The following CAMK1D variants were observed in gnomAD, a reference collection of about 807,000 sequenced individuals.
The protein encoded by CAMK1D is calcium/calmodulin-dependent protein kinase type 1D.
In CAMK1D, 9 loss-of-function variants were observed where a neutral mutation model predicts 47.7. The observed-to-expected ratio is 0.19, with a 90% confidence interval of 0.11 to 0.33. The LOEUF (loss-of-function observed/expected upper bound fraction) is 0.33. Among genes scored for constraint, CAMK1D ranks in the 10% least tolerant of loss-of-function variants. The pLI is 1.00. For missense variants in CAMK1D, 291 were observed against 488.7 expected (o/e 0.60, Z 3.81); for synonymous variants, 184 against 184.9 (o/e 0.99, Z 0.04).
intron 6 of CAMK1D, 61 bp from the exon 7 acceptor site, chr10:12,814,134 G>T: frequency 9.1e-7 from 1 of 1,098,330 alleles, no homozygotes; most frequent in Non-Finnish European, 1.4e-6. Context: ...TCCAGGCAAA[G>T]TGTACAGTCA....
intron 1 of CAMK1D, among the ~76,000 whole-genome samples, chr10:12,522,189 TCC>T (rs1564388663): frequency 6.4e-5 from 9 of 139,996 alleles, no homozygotes; most frequent in South Asian, 4.6e-4. Context: ...ATGATATATT[TCC>T]TTTTTTTTTC....
At chr10:12,801,351 ATCTTATCTATCTATCTATCTATCT>A (rs1408591630) in intron 6 of CAMK1D, among the ~76,000 whole-genome samples, 14 of 98,288 alleles carry the variant, frequency 1.4e-4, no homozygotes, top group African/African-American at 7.2e-4. Context: ...CTATCTATCT[ATCTTATCTATCTATCTATCTATCT>A]ATCTATCTAT....
chr10:12,556,057 G>A (rs1836750212), intron 2 of CAMK1D, among the ~76,000 whole-genome samples: 1 of 152,152 alleles, frequency 6.6e-6, no homozygotes, highest in African/African-American at 2.4e-5. Flanking sequence ...GTACCTGGAA[G>A]CGTGACCCCT....
At chr10:12,726,284 C>T (rs1834630968) in intron 3 of CAMK1D, among the ~76,000 whole-genome samples, 1 of 151,818 alleles carries the variant, frequency 6.6e-6, no homozygotes, top group Admixed American at 6.6e-5. Flanking sequence ...ATTAGCTGGG[C>T]ATAGTGGCAC....
chr10:12,774,928 C>G (rs1336085831), intron 5 of CAMK1D, among the ~76,000 whole-genome samples: 1 of 152,246 alleles, frequency 6.6e-6, no homozygotes, highest in Non-Finnish European at 1.5e-5. Context: ...GTTCTTTGTG[C>G]CAAAATTGGG....
At chr10:12,518,632 C>CG (rs1007846380) in intron 1 of CAMK1D, among the ~76,000 whole-genome samples, 1 of 94,578 alleles carries the variant, frequency 1.1e-5, no homozygotes, top group African/African-American at 4.0e-5. Context: ...GAGGACCCTG[C>CG]GGCCTTCCGC....
At chr10:12,361,657 GTGATTCTCC>G (rs1355638640) in intron 1 of CAMK1D, among the ~76,000 whole-genome samples, 2 of 149,400 alleles carry the variant, frequency 1.3e-5, no homozygotes, top group African/African-American at 2.5e-5. Context: ...CTGGGTTCAA[GTGATTCTCC>G]TGCCTCAGCC....
At chr10:12,632,036 A>G (rs1171940410) in intron 2 of CAMK1D, among the ~76,000 whole-genome samples, 2 of 152,198 alleles carry the variant, frequency 1.3e-5, no homozygotes, top group African/African-American at 4.8e-5. Flanking sequence ...TTGTCACTCC[A>G]GCTAAACCCA....
intron 2 of CAMK1D, among the ~76,000 whole-genome samples, chr10:12,599,636 G>A (rs565841084): frequency 5.0e-4 from 76 of 152,306 alleles, no homozygotes; most frequent in African/African-American, 1.8e-3. Flanking sequence ...ATCAGGAGAG[G>A]GAGAGGAGCA....
chr10:12,492,733 G>A (rs1450036713), intron 1 of CAMK1D, among the ~76,000 whole-genome samples: 2 of 152,174 alleles, frequency 1.3e-5, no homozygotes, highest in African/African-American at 2.4e-5. Context: ...CACAGGACCC[G>A]AGGGCAGATT....
intron 1 of CAMK1D, among the ~76,000 whole-genome samples, chr10:12,393,549 C>T (rs971383098): frequency 6.6e-6 from 1 of 152,152 alleles, no homozygotes; most frequent in African/African-American, 2.4e-5. Context: ...ATTTTCTCAC[C>T]CAGGGACATT....
At chr10:12,416,931 G>A (rs964578916) in intron 1 of CAMK1D, among the ~76,000 whole-genome samples, 8 of 152,174 alleles carry the variant, frequency 5.3e-5, no homozygotes, top group African/African-American at 1.9e-4. Flanking sequence ...TGCTAGCGAT[G>A]CTGTAGACGG....
chr10:12,554,946 G>A (rs759044513), intron 2 of CAMK1D, among the ~76,000 whole-genome samples: 3 of 152,124 alleles, frequency 2.0e-5, no homozygotes, highest in African/African-American at 7.2e-5. Context: ...CCATTGCCCC[G>A]TCATCTCCAA....
At chr10:12,687,172 T>A (rs1832700164) in intron 3 of CAMK1D, among the ~76,000 whole-genome samples, 1 of 152,108 alleles carries the variant, frequency 6.6e-6, no homozygotes, top group African/African-American at 2.4e-5. Flanking sequence ...ATATCAGCCT[T>A]CGTACTGAGC....
At chr10:12,504,555 C>G (rs1834812587) in intron 1 of CAMK1D, among the ~76,000 whole-genome samples, 1 of 152,156 alleles carries the variant, frequency 6.6e-6, no homozygotes, top group Non-Finnish European at 1.5e-5. Flanking sequence ...ACTAGCAATT[C>G]AAACGGTCAT....
At position 12,698,673 on chromosome 10, in the gene CAMK1D, A is replaced by ATTTTTTTTTTTTTTTTTTT. The variant is rs573723767; in HGVS notation, c.299+31881_299+31882insTTTTTTTTTTTTTTTTTTT. Among the ~76,000 whole-genome samples, 45 of 103,922 alleles carry ATTTTTTTTTTTTTTTTTTT rather than the reference A, an allele frequency of 4.3e-4. 2 individuals are homozygous for ATTTTTTTTTTTTTTTTTTT. The highest frequency in any genetic ancestry group is 1.6e-3 in the African/African-American group (45 of 28,274). 68.2% of individuals were successfully genotyped at this position (103,922 alleles called of 152,430 possible). A position where few individuals can be genotyped will look rare whatever the true frequency, so the allele number is the denominator to read the frequency against. The stretch of plus-strand genomic sequence containing the variant: ...GAAGAAAAATGATGCCCTTTAAAGA[A>ATTTTTTTTTTTTTTTTTTT]TTTTTTTTTTTTTTTTTTGAGACGG... On this transcript the variant is annotated intron_variant, in intron 3 of 10. Coordinates refer to ENST00000619168, the MANE Select transcript of CAMK1D (RefSeq NM_153498.4).
At chr10:12,773,295 T>C (rs947460756) in intron 5 of CAMK1D, among the ~76,000 whole-genome samples, 14 of 152,204 alleles carry the variant, frequency 9.2e-5, no homozygotes, top group African/African-American at 3.1e-4. Flanking sequence ...AGTCGTCCCA[T>C]GGTATCCACA....
chr10:12,802,962 A>C (rs952852607), intron 6 of CAMK1D, among the ~76,000 whole-genome samples: 1 of 152,244 alleles, frequency 6.6e-6, no homozygotes, highest in Non-Finnish European at 1.5e-5. Flanking sequence ...CCATCTTTGC[A>C]GTGGCACATC....
chr10:12,831,186 A>G lies in CAMK1D; in HGVS notation c.*2299A>G, dbSNP rs924456072. On this transcript the variant is annotated 3_prime_UTR_variant, in exon 11 of 11. Transcript: ENST00000619168. ...AAATCTAAAAACCCTGGAAAGGTCT[A>G]TAAGATGACATTAGACCCAGTTAAG... 5.9e-5 allele frequency: 9 copies of G among 152,250 alleles called. No individual in the cohort carries two copies. The highest frequency in any genetic ancestry group is 1.7e-4 in the African/African-American group (7 of 41,476). The allele number at this position is 152,250 out of a possible 1,614,324, so 9.4% of individuals were successfully genotyped here.
Sources: gnomAD v4.1 joint callset for allele counts (sites outside exome capture counted in the v4.1 genomes callset) on GRCh38, gnomAD v4.1.1 for gene constraint, MANE v1.5 for transcripts, NCBI Gene and HGNC (gene_info 2026-07-23, HGNC 2026-07-21) for gene names.